RNASE4: variants seen among roughly 807,000 people sequenced by gnomAD.
RNASE4 encodes the protein ribonuclease 4.
For synonymous variants in RNASE4, 93 were observed against 71.4 expected (o/e 1.30, Z -1.52); for missense variants, 194 against 192.8 (o/e 1.01, Z -0.04).
At chr14:20,684,874 G>C (rs75123596) in intron 1 of RNASE4, 116 bp downstream of exon 1, 3,855 of 152,332 alleles carry the variant, frequency 0.025, 67 homozygotes, top group South Asian at 0.043. Context: ...AGGAGTTTGC[G>C]GGACGGGGCT....
chr14:20,699,316 TCTTAC>T, intron 1 of RNASE4, 34 bp from the exon 2 acceptor site: 1 of 1,510,988 alleles, frequency 6.6e-7, no homozygotes, highest in South Asian at 1.3e-5. Flanking sequence ...AGTGCCCAGT[TCTTAC>T]CTTATTTCTC....
intron 1 of RNASE4, among the ~76,000 whole-genome samples, chr14:20,694,356 A>G (rs1196531473): frequency 1.4e-5 from 2 of 143,058 alleles, no homozygotes; most frequent in African/African-American, 5.3e-5. Context: ...CTTAAGTGCA[A>G]TGGCACAATC....
intron 1 of RNASE4, among the ~76,000 whole-genome samples, chr14:20,695,857 C>T (rs1396465980): frequency 6.6e-6 from 1 of 152,244 alleles, no homozygotes; most frequent in Non-Finnish European, 1.5e-5. Context: ...ACAAGAATCT[C>T]TCTTCCTTGG....
intron 1 of RNASE4, chr14:20,694,004 C>T (rs377472145): frequency 2.9e-5 from 47 of 1,613,992 alleles, no homozygotes; most frequent in Non-Finnish European, 3.9e-5. Flanking sequence ...TTCCGTCGTC[C>T]GTAACCAGCG....
chr14:20,696,752 A>G (rs1887105686), intron 1 of RNASE4, among the ~76,000 whole-genome samples: 1 of 152,130 alleles, frequency 6.6e-6, no homozygotes, highest in Non-Finnish European at 1.5e-5. Context: ...AAATGCAGTA[A>G]TTGCCAATAT....
At chr14:20,695,587 T>G (rs1314189749) in intron 1 of RNASE4, among the ~76,000 whole-genome samples, 1 of 152,250 alleles carries the variant, frequency 6.6e-6, no homozygotes, top group Non-Finnish European at 1.5e-5. Context: ...GGATATTTTA[T>G]TTAGAAAGTG....
intron 1 of RNASE4, 142 bp from the exon 2 acceptor site, chr14:20,699,213 C>A: frequency 3.0e-6 from 2 of 660,798 alleles, no homozygotes; most frequent in South Asian, 2.2e-5. Context: ...GGAAAAGTAG[C>A]AGAGATGAGT....
At chr14:20,692,998 C>T (rs533512812) in intron 1 of RNASE4, among the ~76,000 whole-genome samples, 389 of 151,982 alleles carry the variant, frequency 2.6e-3, no homozygotes, top group Non-Finnish European at 4.4e-3. Flanking sequence ...CAGGCGCCCG[C>T]CACTACGCCC....
At chr14:20,686,222 A>G (rs566790296) in intron 1 of RNASE4, among the ~76,000 whole-genome samples, 1 of 152,268 alleles carries the variant, frequency 6.6e-6, no homozygotes, top group African/African-American at 2.4e-5. Flanking sequence ...ATGGAGTGGT[A>G]CGATGTTAGT....
chr14:20,691,840 G>C lies in RNASE4; in HGVS notation c.-18+7082G>C, dbSNP rs540355511. The stretch of plus-strand genomic sequence containing the variant: ...AAAGAGAGCCCACTTTGCTCACCCA[G>C]TCACGTCTTCCCATGTAACCATAGA... On this transcript the variant is annotated intron_variant, in intron 1 of 1. Transcript: ENST00000555835. Among the ~76,000 whole-genome samples, 10 of 152,322 alleles carry C rather than the reference G, an allele frequency of 6.6e-5. No individual in the cohort carries two copies. The South Asian group carries it at 2.1e-3, about 32-fold the overall frequency.
In RNASE4 at chr14:20,696,931, C is replaced by T. The variant is rs747417059; in HGVS notation, c.-17-2424C>T. Among the ~76,000 whole-genome samples the T allele has an allele frequency of 9.9e-5, 15 of 152,070 alleles. 1 individual carries two copies. Among genetic ancestry groups the T allele is most frequent in the African/African-American group, 1.7e-4 (7 of 41,394 alleles). On this transcript the variant is annotated intron_variant, in intron 1 of 1. Coordinates refer to ENST00000555835, the MANE Select transcript of RNASE4 (RefSeq NM_002937.5). ...GTCACAGCCTCAGTCTTTTAGACCA[C>T]GGTGTCAAAAGAAGTTCTTACTGTG...
At chr14:20,695,365 A>T (rs1337160101) in intron 1 of RNASE4, among the ~76,000 whole-genome samples, 3 of 149,302 alleles carry the variant, frequency 2.0e-5, no homozygotes, top group African/African-American at 7.4e-5. Flanking sequence ...ACTGCACTCC[A>T]GCCTGGGCGA....
intron 1 of RNASE4, among the ~76,000 whole-genome samples, chr14:20,685,293 G>C (rs1886373009): frequency 6.6e-6 from 1 of 152,150 alleles, no homozygotes; most frequent in Non-Finnish European, 1.5e-5. Context: ...GGGATCCTCC[G>C]TTTTCTCGCT....
chr14:20,685,549 A>C (rs1206981795), intron 1 of RNASE4, among the ~76,000 whole-genome samples: 1 of 152,224 alleles, frequency 6.6e-6, no homozygotes. Context: ...ACTTAACCAC[A>C]GAGCCACTAA....
At chr14:20,694,523 C>T (rs1887007921) in intron 1 of RNASE4, among the ~76,000 whole-genome samples, 3 of 152,070 alleles carry the variant, frequency 2.0e-5, no homozygotes, top group Non-Finnish European at 4.4e-5. Context: ...TGGTCTTGAA[C>T]TCCTGACCTC....
At chr14:20,693,783 C>T (rs1203260028) in intron 1 of RNASE4, 1 of 1,614,192 alleles carries the variant, frequency 6.2e-7, no homozygotes, top group East Asian at 2.2e-5. Context: ...TTCATGGCAA[C>T]AAGCGCAGCA....
At chr14:20,695,578 G>T (rs1007515539) in intron 1 of RNASE4, among the ~76,000 whole-genome samples, 5 of 152,196 alleles carry the variant, frequency 3.3e-5, no homozygotes, top group African/African-American at 1.2e-4. Flanking sequence ...CAGGTACTTG[G>T]ATATTTTATT....
rs771172614 is a variant in RNASE4 at position 20,699,440 on chromosome 14, C to T, written c.69C>T (p.Val23=). ...TGACCCTGCTGGGGCTGGGGCTGGT[C>T]CAGCCCTCCTATGGCCAGGATGGCA... is the stretch of plus-strand genomic sequence containing the variant. The part of the protein sequence containing the change: ...LLLTLLGLGL[V]QPSYGQDGMY... Residue 23 remains valine, a synonymous_variant, in exon 2 of 2, where the codon GTC becomes GTT. Coordinates refer to ENST00000555835, the MANE Select transcript of RNASE4 (RefSeq NM_002937.5). 1.9e-6 allele frequency: 3 copies of T among 1,612,872 alleles called. No homozygotes were observed. The South Asian group carries it at 3.3e-5, about 18-fold the overall frequency.
At chr14:20,686,474 A>G (rs1003112273) in intron 1 of RNASE4, among the ~76,000 whole-genome samples, 3 of 152,234 alleles carry the variant, frequency 2.0e-5, no homozygotes, top group African/African-American at 7.2e-5. Context: ...ACCTTTCTTT[A>G]GGAGTTTTTA....
Sources: gnomAD v4.1 joint callset for allele counts (sites outside exome capture counted in the v4.1 genomes callset) on GRCh38, gnomAD v4.1.1 for gene constraint, MANE v1.5 for transcripts, NCBI Gene and HGNC (gene_info 2026-07-23, HGNC 2026-07-21) for gene names.